The following NUTM2F variants were observed in gnomAD, a reference collection of about 807,000 sequenced individuals.
NUTM2F encodes the protein NUT family member 2F, also known as family with sequence similarity 22, member F.
NUTM2F carries 22 observed loss-of-function variants against 43.3 expected under a neutral mutation model. The observed-to-expected ratio is 0.51, with a 90% CI of 0.36 to 0.73. The LOEUF (loss-of-function observed/expected upper bound fraction) is 0.73, where lower values mean the gene tolerates loss of function less well. NUTM2F is among the 30% of genes least tolerant of loss of function. The pLI is 0.00. For missense variants in NUTM2F, 488 were observed against 927.4 expected, an observed-to-expected ratio of 0.53 and a Z score of 6.15; for synonymous variants, 202 against 389.0, an observed-to-expected ratio of 0.52 and a Z score of 5.66.
Position 94,322,054 on chromosome 9 carries a change from T to C in NUTM2F, c.842+147A>G, listed in dbSNP as rs1191743590. On this transcript the variant is annotated intron_variant, in intron 3 of 6. Transcript: ENST00000253262. Reference sequence around the variant, plus strand: ...GAGCACTCTAGGTGTCAGGAGCAGCTTCCTGAGGGAGCCAGGGGCCCAGGG... The same window carrying C: ...GAGCACTCTAGGTGTCAGGAGCAGCCTCCTGAGGGAGCCAGGGGCCCAGGG... 9.0e-6 allele frequency: 13 copies of C among 1,449,028 alleles called. No individual in the cohort carries two copies. The South Asian group carries it at 1.6e-4, about 17-fold the overall frequency. 89.8% of individuals were successfully genotyped at this position (1,449,028 alleles called of 1,614,324 possible). A position where few individuals can be genotyped will look rare whatever the true frequency, so the allele number is the denominator to read the frequency against.
At chr9:94,326,533 C>T (rs1343969095) in intron 1 of NUTM2F, among the ~76,000 whole-genome samples, 1 of 152,090 alleles carries the variant, frequency 6.6e-6, no homozygotes, top group Non-Finnish European at 1.5e-5. Context: ...GGTGGATCAC[C>T]TGAGGTCAGG....
Position 94,322,258 on chromosome 9 carries a change from C to T in NUTM2F, c.785G>A (p.Arg262Gln), listed in dbSNP as rs776033192. Residue 262 changes from arginine (R) to glutamine (Q), a missense_variant, in exon 3 of 7, where the codon CGG becomes CAG. Coordinates refer to ENST00000253262, the MANE Select transcript of NUTM2F (RefSeq NM_017561.2). ...TLEEGLWQAMREWQHTSNFDR... is the reference protein window; with the variant it reads ...TLEEGLWQAMQEWQHTSNFDR... ...AAAGTTGCTCGTGTGCTGCCATTCC[C>T]GCATGGCCTGCCACAGTCCCTCCTC... 15 of 1,611,966 alleles carry T rather than the reference C, an allele frequency of 9.3e-6. No individual in the cohort carries two copies. Among genetic ancestry groups the T allele is most frequent in the Admixed American group, 6.7e-5 (4 of 60,006 alleles).
At chr9:94,321,279 C>T (rs767910544) in intron 3 of NUTM2F, 47 bp from the exon 4 acceptor site, 1 of 1,552,318 alleles carries the variant, frequency 6.4e-7, no homozygotes. Context: ...TCCAGGCCCC[C>T]TCCCCCCAGG....
At chr9:94,323,391 C>A (rs565210014) in intron 2 of NUTM2F, among the ~76,000 whole-genome samples, 11 of 152,196 alleles carry the variant, frequency 7.2e-5, no homozygotes, top group Admixed American at 2.0e-4. Context: ...TGCTCATCAG[C>A]GGGAAACACA....
chr9:94,327,671 ATAG>A (rs1831468569), intron 1 of NUTM2F, among the ~76,000 whole-genome samples: 1 of 75,886 alleles, frequency 1.3e-5, no homozygotes. Context: ...AATAATAATA[ATAG>A]GACTGTCTTC....
chr9:94,318,724 C>G lies in NUTM2F; in HGVS notation c.2012G>C (p.Gly671Ala), dbSNP rs367599605. 2.1e-4 allele frequency: 337 copies of G among 1,597,806 alleles called. No individual in the cohort carries two copies. In the African/African-American group the frequency reaches 3.8e-3, roughly 18 times the overall value. ...TGGAGACTGAAGAGCTCCCTGGGGT[C>G]CTCTCCCTCCTGGGCTGAGAAGGCC... is the stretch of plus-strand genomic sequence containing the variant. ...SSGLLSPGGRGPQGALQSPSA... is the reference protein window; with the variant it reads ...SSGLLSPGGRAPQGALQSPSA... The change falls in exon 7 of 7, where the codon GGA becomes GCA. Residue 671 changes from glycine to alanine, a missense_variant. Gly to Ala is a moderately conservative substitution (Grantham distance 60). Coordinates refer to ENST00000253262, the MANE Select transcript of NUTM2F (RefSeq NM_017561.2).
Position 94,325,947 on chromosome 9 carries a change from A to G in NUTM2F, c.17-13T>C. 6.2e-7 allele frequency: 1 copy of G among 1,611,344 alleles called. No individual in the cohort carries two copies. The highest frequency in any genetic ancestry group is 8.5e-7 in the Non-Finnish European group (1 of 1,179,624). On this transcript the variant is annotated splice_polypyrimidine_tract_variant and intron_variant, in intron 1 of 6. Coordinates refer to ENST00000253262, the MANE Select transcript of NUTM2F (RefSeq NM_017561.2). ...AGCACTGGGTATGCTGTGGAGACAA[A>G]GGAAAGAGGTGAATGAGCTGGCGTC... is the stretch of plus-strand genomic sequence containing the variant.
chr9:94,322,179 G>A, intron 3 of NUTM2F, 22 bp downstream of exon 3: 1 of 1,611,786 alleles, frequency 6.2e-7, no homozygotes, highest in Non-Finnish European at 8.5e-7. Context: ...CACGGGCCCT[G>A]CCCCCAGGAC....
chr9:94,323,914 T>A (rs574606137), intron 2 of NUTM2F, among the ~76,000 whole-genome samples: 2 of 152,220 alleles, frequency 1.3e-5, no homozygotes, highest in East Asian at 3.9e-4. Context: ...CCCAGCCCCA[T>A]GTGATGTGCC....
At position 94,328,589 on chromosome 9, in the gene NUTM2F, C is replaced by A; in HGVS notation, c.16+19G>T. On this transcript the variant is annotated intron_variant, in intron 1 of 6. Coordinates refer to ENST00000253262, the MANE Select transcript of NUTM2F (RefSeq NM_017561.2). Reference sequence around the variant, plus strand: ...GAGGCAAGGCAGACTCGGATAATGCCCCATCCCTACAGGCTCACCTCCATT... The same window carrying A: ...GAGGCAAGGCAGACTCGGATAATGCACCATCCCTACAGGCTCACCTCCATT... The A allele has an allele frequency of 1.2e-6, 2 of 1,613,770 alleles. No homozygotes were observed. The highest frequency in any genetic ancestry group is 2.2e-5 in the South Asian group (2 of 91,062).
intron 3 of NUTM2F, among the ~76,000 whole-genome samples, chr9:94,321,528 T>G (rs1290510220): frequency 7.0e-6 from 1 of 141,926 alleles, no homozygotes; most frequent in Non-Finnish European, 1.5e-5. Context: ...TGGCCGGGGG[T>G]GGGGTTGATG....
At chr9:94,324,578 A>G (rs1831425269) in intron 2 of NUTM2F, among the ~76,000 whole-genome samples, 2 of 149,816 alleles carry the variant, frequency 1.3e-5, no homozygotes, top group South Asian at 2.1e-4. Flanking sequence ...CAGGAGAATG[A>G]CGTGAACCTG....
rs1260942874 is a variant in NUTM2F, at chr9:94,322,277, C to T, written c.766G>A (p.Gly256Arg). Residue 256 changes from glycine to arginine, a missense_variant, in exon 3 of 7, where the codon GGA becomes AGA. By Grantham distance (125) the Gly-to-Arg change is moderately radical (BLOSUM62 -2). Transcript: ENST00000253262. ...CATTCCCGCATGGCCTGCCACAGTC[C>T]CTCCTCCAGCGTCATGGTGGGCTTC... ...RRKPTMTLEE[G>R]LWQAMREWQH... The T allele has an allele frequency of 1.2e-6, 2 of 1,611,928 alleles. No homozygotes were observed. Among genetic ancestry groups the T allele is most frequent in the Non-Finnish European group, 1.7e-6 (2 of 1,179,874 alleles).
chr9:94,322,139 G>C (rs1428353912), intron 3 of NUTM2F, 62 bp downstream of exon 3: 10 of 1,607,036 alleles, frequency 6.2e-6, no homozygotes, highest in Middle Eastern at 2.3e-4. Flanking sequence ...CACGGCCACC[G>C]GGCCTCTGTC....
chr9:94,327,245 A>G (rs1221478370), intron 1 of NUTM2F, among the ~76,000 whole-genome samples: 3 of 151,744 alleles, frequency 2.0e-5, no homozygotes, highest in Non-Finnish European at 4.4e-5. Flanking sequence ...CTGGGATTAC[A>G]GGCGCCCGCC....
intron 2 of NUTM2F, among the ~76,000 whole-genome samples, chr9:94,323,713 G>T (rs1361796755): frequency 6.6e-6 from 1 of 152,186 alleles, no homozygotes; most frequent in Non-Finnish European, 1.5e-5. Flanking sequence ...GCCATCCTCT[G>T]AATGAAACAC....
At position 94,324,780 on chromosome 9, in the gene NUTM2F, C is replaced by T. The variant is rs572615909; in HGVS notation, c.713+458G>A. Among the ~76,000 whole-genome samples the T allele has an allele frequency of 4.0e-3, 604 of 151,514 alleles. 6 individuals carry two copies. Among genetic ancestry groups the T allele is most frequent in the African/African-American group, 0.014 (566 of 41,274 alleles). ...CTGAGGCGGGCAGATCACCTGAGGT[C>T]GGGAGTTCAAGACCAGCCTGACCAA... On this transcript the variant is annotated intron_variant, in intron 2 of 6. Transcript: ENST00000253262.
At chr9:94,321,304 G>C (rs2118725691) in intron 3 of NUTM2F, 72 bp from the exon 4 acceptor site, 1 of 1,537,100 alleles carries the variant, frequency 6.5e-7, no homozygotes. Context: ...GGCAGCAGCT[G>C]AGGGCAGGGA....
At chr9:94,322,581 A>G (rs138764344) in intron 2 of NUTM2F, among the ~76,000 whole-genome samples, 101 of 152,324 alleles carry the variant, frequency 6.6e-4, no homozygotes, top group African/African-American at 2.3e-3. Flanking sequence ...ACTCAGTGCT[A>G]TGGGTGGAAC....
Sources: allele counts gnomAD v4.1 joint callset (sites outside exome capture counted in the v4.1 genomes callset), GRCh38; gene constraint gnomAD v4.1.1; transcripts MANE v1.5; gene names NCBI Gene and HGNC (gene_info 2026-07-23, HGNC 2026-07-21).